The following NARS2 variants were observed in gnomAD, a reference collection of about 807,000 sequenced individuals.
The protein encoded by NARS2 is asparaginyl-tRNA synthetase.
A neutral mutation model predicts 62.9 loss-of-function variants in NARS2; 60 were observed. The observed-to-expected ratio is 0.95, with a 90% CI of 0.77 to 1.18. The LOEUF (loss-of-function observed/expected upper bound fraction) is 1.18. NARS2 is among the 50% of genes most tolerant of loss of function. NARS2 has a pLI of 0.00. For synonymous variants in NARS2, 196 were observed against 200.0 expected (o/e 0.98, Z 0.17); for missense variants, 619 against 576.4 (o/e 1.07, Z -0.76).
At chr11:78,499,809 G>A (rs1446898844) in intron 6 of NARS2, among the ~76,000 whole-genome samples, 1 of 152,144 alleles carries the variant, frequency 6.6e-6, no homozygotes, top group Non-Finnish European at 1.5e-5. Flanking sequence ...CTGGATATGG[G>A]GGCTTAGAAA....
rs1282263381 is a variant in NARS2 at position 78,478,097 on chromosome 11, T to C, written c.959+341A>G. On this transcript the variant is annotated intron_variant, in intron 9 of 13. Coordinates refer to ENST00000281038, the MANE Select transcript of NARS2 (RefSeq NM_024678.6). ...CCTACACTGAGCATGGTTTTTACAG[T>C]TTTTTAAATCAAGCCAAATTTTGAT... is the stretch of plus-strand genomic sequence containing the variant. Among the ~76,000 whole-genome samples, 3 of 152,144 alleles carry C rather than the reference T, an allele frequency of 2.0e-5. No individual in the cohort carries two copies. In the East Asian group the frequency reaches 5.8e-4, roughly 29 times the overall value.
intron 5 of NARS2, among the ~76,000 whole-genome samples, chr11:78,553,086 G>T (rs578194606): frequency 2.6e-5 from 4 of 151,040 alleles, no homozygotes; most frequent in Non-Finnish European, 5.9e-5. Flanking sequence ...CAGCATATAA[G>T]GGTTTCCCTT....
intron 6 of NARS2, among the ~76,000 whole-genome samples, chr11:78,505,269 TACACACACACACACACACACACACAC>T (rs10533814): frequency 7.2e-4 from 96 of 133,430 alleles, no homozygotes; most frequent in Non-Finnish European, 9.5e-4. Context: ...GAAAACAAAA[TACACACACACACACACACACACACAC>T]ACACACACAC....
intron 4 of NARS2, among the ~76,000 whole-genome samples, chr11:78,563,215 ATTT>A (rs71046983): frequency 4.6e-4 from 53 of 115,718 alleles, no homozygotes; most frequent in African/African-American, 1.1e-3. Flanking sequence ...AACCACTTGA[ATTT>A]TTTTTTTTTT....
At chr11:78,551,864 AAAAC>A (rs939141989) in intron 5 of NARS2, among the ~76,000 whole-genome samples, 7 of 151,942 alleles carry the variant, frequency 4.6e-5, no homozygotes, top group Non-Finnish European at 7.4e-5. Flanking sequence ...AAAAAAACAA[AAAAC>A]AAACAAAAAA....
rs1344809594 is a variant in NARS2 at position 78,443,692 on chromosome 11, G to T, written c.1231C>A (p.Arg411=). The change falls in exon 12 of 14, where the codon CGA becomes AGA. Residue 411 remains arginine, a synonymous_variant. Transcript: ENST00000281038. Reference sequence around the variant, plus strand: ...AAGCGCTCCTCTAAGAAATGGTATCGTTCTTCTCTGAGGCCTCCTCCAAAG... The same window carrying T: ...AAGCGCTCCTCTAAGAAATGGTATCTTTCTTCTCTGAGGCCTCCTCCAAAG... ...ELFGGGLREE[R]YHFLEERLAR... 1 of 1,613,108 alleles carries T rather than the reference G, an allele frequency of 6.2e-7. No homozygotes were observed. Among genetic ancestry groups the T allele is most frequent in the South Asian group, 1.1e-5 (1 of 91,042 alleles).
chr11:78,446,143 C>T (rs1479672697), intron 11 of NARS2, among the ~76,000 whole-genome samples: 1 of 152,140 alleles, frequency 6.6e-6, no homozygotes, highest in Non-Finnish European at 1.5e-5. Context: ...ACATTATAAA[C>T]ATTTTAAAAA....
intron 11 of NARS2, among the ~76,000 whole-genome samples, chr11:78,459,759 G>C (rs895547496): frequency 6.6e-6 from 1 of 152,134 alleles, no homozygotes; most frequent in Non-Finnish European, 1.5e-5. Context: ...CATGAAAATG[G>C]ACTAACATGG....
rs755639334 is a variant in NARS2, at chr11:78,574,436, G to A, written c.53C>T (p.Pro18Leu). The change falls in exon 1 of 14, where the codon CCC becomes CTC. Residue 18 changes from proline to leucine, a missense_variant. Coordinates refer to ENST00000281038, the MANE Select transcript of NARS2 (RefSeq NM_024678.6). ...LRSVRFCSSA[P>L]FPKHKPSAKL... ...GGCTGAAGGTTTGTGCTTGGGGAAGGGGGCGGAGGAACAGAAGCGCACGGA... is the reference window on the plus strand; with the variant it reads ...GGCTGAAGGTTTGTGCTTGGGGAAGAGGGCGGAGGAACAGAAGCGCACGGA... 1.3e-5 allele frequency: 21 copies of A among 1,614,082 alleles called. No individual in the cohort carries two copies. Among genetic ancestry groups the A allele is most frequent in the African/African-American group, 9.3e-5 (7 of 74,932 alleles).
At chr11:78,497,566 G>A (rs1860114459) in intron 6 of NARS2, among the ~76,000 whole-genome samples, 1 of 152,152 alleles carries the variant, frequency 6.6e-6, no homozygotes. Flanking sequence ...TGAACTCCCA[G>A]AAAACTATTA....
At chr11:78,497,892 A>C (rs1488203553) in intron 6 of NARS2, among the ~76,000 whole-genome samples, 1 of 152,194 alleles carries the variant, frequency 6.6e-6, no homozygotes, top group Non-Finnish European at 1.5e-5. Flanking sequence ...TTATTGCCAA[A>C]AACTTGTGCC....
At chr11:78,556,731 C>T (rs1856369184) in intron 5 of NARS2, among the ~76,000 whole-genome samples, 1 of 152,140 alleles carries the variant, frequency 6.6e-6, no homozygotes, top group Non-Finnish European at 1.5e-5. Flanking sequence ...CTTTGACAGC[C>T]ACAACCTACA....
intron 5 of NARS2, among the ~76,000 whole-genome samples, chr11:78,540,835 T>C (rs1473763209): frequency 6.6e-6 from 1 of 152,216 alleles, no homozygotes; most frequent in African/African-American, 2.4e-5. Context: ...GGCTATGCCT[T>C]TCACGATACA....
chr11:78,463,774 A>G (rs1381023032), intron 11 of NARS2, among the ~76,000 whole-genome samples: 1 of 151,764 alleles, frequency 6.6e-6, no homozygotes, highest in Non-Finnish European at 1.5e-5. Flanking sequence ...TGAGAGAGAC[A>G]AAACAGGCAG....
At chr11:78,465,396 G>A (rs987118982) in intron 11 of NARS2, among the ~76,000 whole-genome samples, 2 of 152,266 alleles carry the variant, frequency 1.3e-5, no homozygotes, top group East Asian at 3.8e-4. Context: ...CCGCCAAAGT[G>A]GGCGCCAAGG....
At chr11:78,458,711 C>T (rs781594286) in intron 11 of NARS2, among the ~76,000 whole-genome samples, 7 of 152,214 alleles carry the variant, frequency 4.6e-5, no homozygotes, top group Admixed American at 6.5e-5. Flanking sequence ...GTGTCCACCA[C>T]GTCCCAGGCA....
chr11:78,547,137 C>T (rs1043483599), intron 5 of NARS2, among the ~76,000 whole-genome samples: 4 of 151,982 alleles, frequency 2.6e-5, no homozygotes, highest in Non-Finnish European at 5.9e-5. Context: ...TAGAGAACAG[C>T]CTGGACAACA....
chr11:78,498,065 C>T (rs1311741047), intron 6 of NARS2, among the ~76,000 whole-genome samples: 1 of 152,086 alleles, frequency 6.6e-6, no homozygotes, highest in Non-Finnish European at 1.5e-5. Flanking sequence ...GAGGAGATGA[C>T]ATGTGAAAAG....
At chr11:78,515,184 T>C (rs1388617568) in intron 6 of NARS2, among the ~76,000 whole-genome samples, 1 of 151,836 alleles carries the variant, frequency 6.6e-6, no homozygotes, top group Non-Finnish European at 1.5e-5. Context: ...TGGGGATGCA[T>C]TAAGAGTTTA....
Sources: allele counts gnomAD v4.1 joint callset (sites outside exome capture counted in the v4.1 genomes callset), GRCh38; gene constraint gnomAD v4.1.1; transcripts MANE v1.5; gene names NCBI Gene and HGNC (gene_info 2026-07-23, HGNC 2026-07-21).